WEE2: variants seen among roughly 807,000 people sequenced by gnomAD.
WEE2 encodes the protein wee1-like protein kinase 2.
A neutral mutation model predicts 60.1 loss-of-function variants in WEE2; 50 were observed. That is an observed-to-expected ratio of 0.83 (90% CI 0.66 to 1.05). The LOEUF (loss-of-function observed/expected upper bound fraction) is 1.05, where lower values mean the gene tolerates loss of function less well. Among genes scored for constraint, WEE2 ranks in the 50% least tolerant of loss-of-function variants. WEE2 has a pLI of 0.00. For missense variants in WEE2, 631 were observed against 684.3 expected, an observed-to-expected ratio of 0.92 and a Z score of 0.87; for synonymous variants, 240 against 241.0, an observed-to-expected ratio of 1.00 and a Z score of 0.04.
intron 4 of WEE2, 93 bp from the exon 5 acceptor site, chr7:141,720,842 C>T: frequency 7.4e-7 from 1 of 1,351,816 alleles, no homozygotes; most frequent in African/African-American, 1.5e-5. Flanking sequence ...AATATTCTGC[C>T]ATTGCTAGTA....
intron 1 of WEE2, among the ~76,000 whole-genome samples, chr7:141,712,106 A>C (rs1280103481): frequency 1.3e-5 from 2 of 152,120 alleles, no homozygotes; most frequent in African/African-American, 4.8e-5. Flanking sequence ...CAGGGGACTC[A>C]TCATATTGAC....
At chr7:141,709,946 GATCATC>G (rs1293310194) in intron 1 of WEE2, among the ~76,000 whole-genome samples, 1 of 152,154 alleles carries the variant, frequency 6.6e-6, no homozygotes, top group Non-Finnish European at 1.5e-5. Flanking sequence ...AGGCACTTAA[GATCATC>G]ATAATAACAT....
intron 5 of WEE2, among the ~76,000 whole-genome samples, chr7:141,722,104 A>G (rs542469368): frequency 2.0e-5 from 3 of 152,270 alleles, no homozygotes; most frequent in African/African-American, 4.8e-5. Flanking sequence ...GCCAATGAAC[A>G]CTAATTAATA....
At chr7:141,725,543 T>G (rs998190406) in intron 9 of WEE2, among the ~76,000 whole-genome samples, 2 of 150,758 alleles carry the variant, frequency 1.3e-5, no homozygotes, top group Non-Finnish European at 2.9e-5. Context: ...GAGAATGTCT[T>G]GAACCCAGGA....
At position 141,723,241 on chromosome 7, in the gene WEE2, A is replaced by T; in HGVS notation, c.988A>T (p.Ile330Phe). The change falls in exon 6 of 12, where the codon ATC (isoleucine) becomes TTC (phenylalanine). Residue 330 changes from isoleucine (I) to phenylalanine (F), a missense_variant. Physicochemically the swap from Ile to Phe is conservative, Grantham distance 21. Coordinates refer to ENST00000397541, the MANE Select transcript of WEE2 (RefSeq NM_001105558.1). ...ACAGATTTCCCTTGGCCTTAATTAC[A>T]TCCACAACTCTAGCATGGTACACCT... Reference protein sequence around the residue: ...LLQISLGLNYIHNSSMVHLDI... With the variant: ...LLQISLGLNYFHNSSMVHLDI... The T allele has an allele frequency of 6.2e-7, 1 of 1,614,106 alleles. No individual in the cohort carries two copies. Among genetic ancestry groups the T allele is most frequent in the Non-Finnish European group, 8.5e-7 (1 of 1,180,010 alleles).
At chr7:141,718,939 A>C (rs1186569171) in intron 3 of WEE2, 133 bp from the exon 4 acceptor site, 3 of 742,162 alleles carry the variant, frequency 4.0e-6, no homozygotes, top group Non-Finnish European at 6.6e-6. Context: ...TATTGACCCA[A>C]GTAGAATTCA....
At chr7:141,726,547 C>T (rs1336756008) in intron 9 of WEE2, among the ~76,000 whole-genome samples, 1 of 152,172 alleles carries the variant, frequency 6.6e-6, no homozygotes, top group Non-Finnish European at 1.5e-5. Context: ...TTTGTTCAGT[C>T]TAATCACCTA....
intron 11 of WEE2, among the ~76,000 whole-genome samples, chr7:141,730,039 G>A (rs1051053047): frequency 1.6e-4 from 23 of 148,156 alleles, no homozygotes; most frequent in Non-Finnish European, 2.8e-4. Flanking sequence ...ACCTTTTACT[G>A]TAGAACCTCT....
Position 141,723,993 on chromosome 7 carries a change from A to C in WEE2, c.1080A>C (p.Glu360Asp). 1 of 1,613,586 alleles carries C rather than the reference A, an allele frequency of 6.2e-7. No individual in the cohort carries two copies. Among genetic ancestry groups the C allele is most frequent in the Non-Finnish European group, 8.5e-7 (1 of 1,179,858 alleles). Residue 360 changes from glutamate to aspartate, a missense_variant, in exon 7 of 12, where the codon GAA becomes GAC. Physicochemically the swap from Glu to Asp is conservative, Grantham distance 45. Coordinates refer to ENST00000397541, the MANE Select transcript of WEE2 (RefSeq NM_001105558.1). ...AAAGTGAATCCTCTGGAGTCATAGA[A>C]GAAGTTGAAAATGAAGCTGATTGGT... Reference protein sequence around the residue: ...KMQSESSGVIEEVENEADWFL... With the variant: ...KMQSESSGVIDEVENEADWFL...
chr7:141,719,665 G>A (rs1798871318), intron 4 of WEE2, among the ~76,000 whole-genome samples: 1 of 152,114 alleles, frequency 6.6e-6, no homozygotes, highest in Non-Finnish European at 1.5e-5. Context: ...TGGCCAGGAT[G>A]GTCTTGATCT....
At chr7:141,718,547 C>T (rs533147669) in intron 3 of WEE2, among the ~76,000 whole-genome samples, 1 of 152,068 alleles carries the variant, frequency 6.6e-6, no homozygotes, top group African/African-American at 2.4e-5. Context: ...TCTGAACTAA[C>T]CAAAATTGTC....
intron 4 of WEE2, 101 bp from the exon 5 acceptor site, chr7:141,720,834 T>C (rs1798895633): frequency 2.3e-6 from 3 of 1,289,090 alleles, no homozygotes; most frequent in South Asian, 1.3e-5. Flanking sequence ...TCTCAATAAA[T>C]ATTCTGCCAT....
chr7:141,716,320 C>T (rs1303619613), intron 3 of WEE2, 53 bp downstream of exon 3: 60 of 1,532,964 alleles, frequency 3.9e-5, no homozygotes, highest in Non-Finnish European at 5.1e-5. Flanking sequence ...TTATCCTATT[C>T]TTTCTCTTCT....
In WEE2 at chr7:141,708,824, T is replaced by C; in HGVS notation, c.66T>C (p.Thr22=). 1 of 1,614,028 alleles carries C rather than the reference T, an allele frequency of 6.2e-7. No individual in the cohort carries two copies. Among genetic ancestry groups the C allele is most frequent in the Non-Finnish European group, 8.5e-7 (1 of 1,180,006 alleles). The part of the protein sequence containing the change: ...QKLNFSYCEE[T]EIEGQKKVEE... ...TAAACTTTTCCTATTGTGAGGAGAC[T>C]GAGATTGAAGGGCAGAAGAAAGTAG... The change falls in exon 1 of 12, where the codon ACT becomes ACC. Residue 22 remains threonine, a synonymous_variant. Coordinates refer to ENST00000397541, the MANE Select transcript of WEE2 (RefSeq NM_001105558.1).
At chr7:141,725,287 G>T in intron 9 of WEE2, 91 bp downstream of exon 9, 1 of 1,395,726 alleles carries the variant, frequency 7.2e-7, no homozygotes, top group Non-Finnish European at 9.6e-7. Flanking sequence ...GGAGATGCTA[G>T]TAGTGTCACT....
In WEE2 at chr7:141,708,943, A is replaced by G. The variant is rs758306393; in HGVS notation, c.185A>G (p.Asn62Ser). The G allele has an allele frequency of 3.7e-6, 6 of 1,614,186 alleles. No individual in the cohort carries two copies. The highest frequency in any genetic ancestry group is 1.1e-5 in the South Asian group (1 of 91,082). ...ACACCACCTTGGACTCCCCTTAGCAACGTGCATGAGCTCGACACATCTTCG... is the reference window on the plus strand; with the variant it reads ...ACACCACCTTGGACTCCCCTTAGCAGCGTGCATGAGCTCGACACATCTTCG... Reference protein sequence around the residue: ...KGTPPWTPLSNVHELDTSSEK... With the variant: ...KGTPPWTPLSSVHELDTSSEK... The change falls in exon 1 of 12, where the codon AAC becomes AGC. Residue 62 changes from asparagine (N) to serine (S), a missense_variant. Coordinates refer to ENST00000397541, the MANE Select transcript of WEE2 (RefSeq NM_001105558.1).
At chr7:141,730,204 C>T in intron 11 of WEE2, 91 bp from the exon 12 acceptor site, 2 of 1,247,700 alleles carry the variant, frequency 1.6e-6, no homozygotes, top group African/African-American at 1.5e-5. Context: ...GTCCCAGACA[C>T]AATAATTGGA....
intron 5 of WEE2, 124 bp from the exon 6 acceptor site, chr7:141,723,010 G>T: frequency 3.2e-6 from 4 of 1,255,454 alleles, no homozygotes; most frequent in Non-Finnish European, 4.4e-6. Flanking sequence ...GGGCATTTGG[G>T]GCTTTGATAT....
At chr7:141,724,825 C>T (rs1798981755) in intron 8 of WEE2, among the ~76,000 whole-genome samples, 2 of 152,224 alleles carry the variant, frequency 1.3e-5, no homozygotes, top group South Asian at 4.1e-4. Context: ...GCCTTGGACT[C>T]CTCAGGGCAC....
Sources: gnomAD v4.1 joint callset for allele counts (sites outside exome capture counted in the v4.1 genomes callset) on GRCh38, gnomAD v4.1.1 for gene constraint, MANE v1.5 for transcripts, NCBI Gene and HGNC (gene_info 2026-07-23, HGNC 2026-07-21) for gene names.